Variants in SOBP observed in about 807,000 individuals in gnomAD.
SOBP encodes the protein sine oculis binding protein homolog.
In SOBP, 4 loss-of-function variants were observed where a neutral mutation model predicts 53.6. The observed-to-expected ratio is 0.07, with a 90% CI of 0.04 to 0.17. The LOEUF is 0.17. Among genes scored for constraint, SOBP ranks in the 10% least tolerant of loss-of-function variants. The pLI is 1.00. For missense variants in SOBP, 1,088 were observed against 1,204.7 expected, an observed-to-expected ratio of 0.90 and a Z score of 1.43; for synonymous variants, 584 against 522.6, an observed-to-expected ratio of 1.12 and a Z score of -1.60.
At chr6:107,654,946 T>C (rs1479823040) in intron 6 of SOBP, among the ~76,000 whole-genome samples, 2 of 150,832 alleles carry the variant, frequency 1.3e-5, no homozygotes, top group African/African-American at 4.9e-5. Flanking sequence ...GAATCAAGGC[T>C]CTGAGGGAGG....
At chr6:107,520,653 T>C (rs1783456572) in intron 3 of SOBP, among the ~76,000 whole-genome samples, 1 of 152,250 alleles carries the variant, frequency 6.6e-6, no homozygotes, top group South Asian at 2.1e-4. Context: ...AAATGTCAGC[T>C]GTGCCTTTCC....
chr6:107,563,233 G>A (rs1232565709), intron 4 of SOBP, among the ~76,000 whole-genome samples: 1 of 152,116 alleles, frequency 6.6e-6, no homozygotes, highest in Non-Finnish European at 1.5e-5. Context: ...CTCCAGCCTG[G>A]GCAACAGAGT....
Position 107,490,537 on chromosome 6 carries a change from C to A in SOBP, c.-80C>A. On this transcript the variant is annotated 5_prime_UTR_variant, in exon 1 of 7. Transcript: ENST00000317357. Reference sequence around the variant, plus strand: ...AGCCTCGCCACCATCAGCACCACCTCCACCGCCGCCGCCGCCGCCACCACC... The same window carrying A: ...AGCCTCGCCACCATCAGCACCACCTACACCGCCGCCGCCGCCGCCACCACC... 9.6e-7 allele frequency: 1 copy of A among 1,037,302 alleles called. No individual in the cohort carries two copies. The highest frequency in any genetic ancestry group is 1.5e-6 in the Non-Finnish European group (1 of 687,870). 64.3% of individuals were successfully genotyped at this position (1,037,302 alleles called of 1,614,324 possible).
chr6:107,613,054 G>A (rs1786656399), intron 5 of SOBP, among the ~76,000 whole-genome samples: 1 of 152,180 alleles, frequency 6.6e-6, no homozygotes. Context: ...ATGAACACTG[G>A]CATACAAATA....
chr6:107,546,170 A>G (rs540020021), intron 4 of SOBP, among the ~76,000 whole-genome samples: 9 of 152,340 alleles, frequency 5.9e-5, no homozygotes, highest in Non-Finnish European at 8.8e-5. Flanking sequence ...GACTGTACGC[A>G]TGGACATTGG....
intron 3 of SOBP, among the ~76,000 whole-genome samples, chr6:107,516,918 A>G (rs919965280): frequency 6.6e-6 from 1 of 152,218 alleles, no homozygotes. Context: ...GAGACTAAAT[A>G]TTGTAAAGAG....
intron 4 of SOBP, among the ~76,000 whole-genome samples, chr6:107,564,759 G>T (rs1158815323): frequency 1.3e-5 from 2 of 152,212 alleles, no homozygotes; most frequent in Non-Finnish European, 2.9e-5. Context: ...TGAGACTGGA[G>T]TATTCAATCT....
chr6:107,627,328 A>G (rs1178759940), intron 5 of SOBP, among the ~76,000 whole-genome samples: 1 of 152,184 alleles, frequency 6.6e-6, no homozygotes, highest in Non-Finnish European at 1.5e-5. Flanking sequence ...ATGATAAGCC[A>G]TTTGTTAAAG....
rs770390620 is a variant in SOBP, at chr6:107,506,204, T to C, written c.236-38T>C. The C allele has an allele frequency of 5.7e-6, 9 of 1,586,604 alleles. No individual in the cohort carries two copies. In the Admixed American group the frequency reaches 1.5e-4, roughly 26 times the overall value. ...AAAATTTAAGTCTACTGCATTACAT[T>C]CCTTGGTCACATTGAATATGATTTT... On this transcript the variant is annotated intron_variant, in intron 2 of 6. Coordinates refer to ENST00000317357, the MANE Select transcript of SOBP (RefSeq NM_018013.4).
In SOBP at chr6:107,592,624, C is replaced by T. The variant is rs1183236280; in HGVS notation, c.669+5449C>T. 5.3e-5 allele frequency among the ~76,000 whole-genome samples: 8 copies of T among 152,158 alleles called. No homozygotes were observed. In the South Asian group the frequency reaches 1.2e-3, roughly 24 times the overall value. ...TTAAAATCATGATGACACACTGGAACTCACATCACATCAAACAAAACATCA... is the reference window on the plus strand; with the variant it reads ...TTAAAATCATGATGACACACTGGAATTCACATCACATCAAACAAAACATCA... On this transcript the variant is annotated intron_variant, in intron 5 of 6. Transcript: ENST00000317357.
At chr6:107,609,217 T>G (rs1786502702) in intron 5 of SOBP, among the ~76,000 whole-genome samples, 1 of 152,202 alleles carries the variant, frequency 6.6e-6, no homozygotes, top group South Asian at 2.1e-4. Context: ...CTTTATATAA[T>G]TATAAATTCT....
chr6:107,613,599 A>G (rs1786677095), intron 5 of SOBP, among the ~76,000 whole-genome samples: 1 of 152,240 alleles, frequency 6.6e-6, no homozygotes, highest in African/African-American at 2.4e-5. Context: ...ATTGTTTGTT[A>G]TAAGTTCACA....
At chr6:107,490,860 A>G in intron 1 of SOBP, 148 bp downstream of exon 1, 1 of 662,386 alleles carries the variant, frequency 1.5e-6, no homozygotes. Flanking sequence ...TCCAGGTGTA[A>G]AGCAGAGGCC....
chr6:107,646,546 G>A (rs1376235508), intron 6 of SOBP, among the ~76,000 whole-genome samples: 1 of 152,206 alleles, frequency 6.6e-6, no homozygotes, highest in Non-Finnish European at 1.5e-5. Context: ...GTTACACAGC[G>A]ATGCCTAGAC....
chr6:107,523,776 A>G (rs1783582094), intron 3 of SOBP, among the ~76,000 whole-genome samples: 1 of 152,226 alleles, frequency 6.6e-6, no homozygotes, highest in African/African-American at 2.4e-5. Flanking sequence ...TCTGGCTCCT[A>G]TGATCCTTCA....
intron 1 of SOBP, 85 bp downstream of exon 1, chr6:107,490,797 C>G (rs1053080910): frequency 9.6e-7 from 1 of 1,040,934 alleles, no homozygotes. Flanking sequence ...CTGGGGGGTA[C>G]CGGGGCGCGC....
At chr6:107,492,250 T>G (rs1371565170) in intron 1 of SOBP, among the ~76,000 whole-genome samples, 1 of 152,182 alleles carries the variant, frequency 6.6e-6, no homozygotes, top group Non-Finnish European at 1.5e-5. Flanking sequence ...ATAACCATTC[T>G]TCCTCACTTA....
At chr6:107,619,722 G>A (rs938367250) in intron 5 of SOBP, among the ~76,000 whole-genome samples, 14 of 152,074 alleles carry the variant, frequency 9.2e-5, no homozygotes, top group African/African-American at 3.1e-4. Flanking sequence ...TCTATAAGAG[G>A]CATGTCCTGG....
At chr6:107,620,122 A>G (rs1786950197) in intron 5 of SOBP, among the ~76,000 whole-genome samples, 1 of 152,148 alleles carries the variant, frequency 6.6e-6, no homozygotes, top group Non-Finnish European at 1.5e-5. Context: ...CTGGCAGTGA[A>G]TGGTCCCACA....
Sources: gnomAD v4.1 joint callset for allele counts (sites outside exome capture counted in the v4.1 genomes callset) on GRCh38, gnomAD v4.1.1 for gene constraint, MANE v1.5 for transcripts, NCBI Gene and HGNC (gene_info 2026-07-23, HGNC 2026-07-21) for gene names.